Variants in CACNA2D3 observed in about 807,000 individuals in gnomAD.
CACNA2D3 encodes the protein voltage-dependent calcium channel subunit alpha-2/delta-3.
In CACNA2D3, 60 loss-of-function variants were observed where a neutral mutation model predicts 160.6. The observed-to-expected ratio is 0.37, with a 90% CI of 0.30 to 0.46. The LOEUF (loss-of-function observed/expected upper bound fraction) is 0.46, where lower values mean the gene tolerates loss of function less well. Ranked by LOEUF, CACNA2D3 falls within the 20% of genes least tolerant of loss-of-function variation. The pLI is 1.00. For missense variants in CACNA2D3, 1,205 were observed against 1,365.0 expected, an observed-to-expected ratio of 0.88 and a Z score of 1.85; for synonymous variants, 558 against 492.9, an observed-to-expected ratio of 1.13 and a Z score of -1.75.
At chr3:55,073,600 G>A in intron 36 of CACNA2D3, 43 bp downstream of exon 36, 7 of 1,487,484 alleles carry the variant, frequency 4.7e-6, no homozygotes, top group Non-Finnish European at 6.6e-6. Context: ...ACGGAAACCA[G>A]TAAGGGGTAT....
At chr3:54,710,729 G>T (rs1328105622) in intron 11 of CACNA2D3, among the ~76,000 whole-genome samples, 1 of 152,162 alleles carries the variant, frequency 6.6e-6, no homozygotes, top group Non-Finnish European at 1.5e-5. Flanking sequence ...CTATAGAAAT[G>T]ATTTTTAACT....
At chr3:54,463,103 C>T (rs1023932160) in intron 4 of CACNA2D3, among the ~76,000 whole-genome samples, 1 of 151,688 alleles carries the variant, frequency 6.6e-6, no homozygotes, top group Non-Finnish European at 1.5e-5. Context: ...GAATATTGGC[C>T]CCCACTCTCT....
chr3:54,689,010 A>AAAAAAAAAAAAAAG (rs1553785965), intron 11 of CACNA2D3, among the ~76,000 whole-genome samples: 2 of 85,496 alleles, frequency 2.3e-5, no homozygotes, highest in Non-Finnish European at 4.4e-5. Context: ...AAAAAAAAAA[A>AAAAAAAAAAAAAAG]AGAATGAGGT....
At chr3:54,769,849 C>A (rs901051299) in intron 13 of CACNA2D3, among the ~76,000 whole-genome samples, 1 of 152,090 alleles carries the variant, frequency 6.6e-6, no homozygotes. Flanking sequence ...TTTAACGATA[C>A]TCTTTAATTC....
At chr3:54,401,163 G>T (rs1211467723) in intron 4 of CACNA2D3, among the ~76,000 whole-genome samples, 1 of 151,984 alleles carries the variant, frequency 6.6e-6, no homozygotes, top group Non-Finnish European at 1.5e-5. Flanking sequence ...CTCTGAACTT[G>T]ATGATAGGTC....
At chr3:54,579,332 G>A (rs6445700) in intron 8 of CACNA2D3, among the ~76,000 whole-genome samples, 87,180 of 151,758 alleles carry the variant, frequency 0.57, 25,746 homozygotes, top group African/African-American at 0.7. Flanking sequence ...CACTGGCTCC[G>A]TCTTCCTGCT....
intron 3 of CACNA2D3, among the ~76,000 whole-genome samples, chr3:54,361,140 A>G (rs1050638590): frequency 6.6e-6 from 1 of 151,998 alleles, no homozygotes; most frequent in Non-Finnish European, 1.5e-5. Context: ...GAAAATGTTT[A>G]CCATAATCAT....
intron 9 of CACNA2D3, among the ~76,000 whole-genome samples, chr3:54,603,347 C>T (rs369302576): frequency 6.6e-6 from 1 of 152,208 alleles, no homozygotes; most frequent in Non-Finnish European, 1.5e-5. Flanking sequence ...TCCAAGAATT[C>T]CTACTACCTA....
chr3:54,511,132 A>G (rs971374234), intron 5 of CACNA2D3, among the ~76,000 whole-genome samples: 1 of 151,778 alleles, frequency 6.6e-6, no homozygotes, highest in South Asian at 2.1e-4. Context: ...TCCTTTCTCC[A>G]TTCTGGAAAG....
At chr3:54,836,110 C>T (rs1216084934) in intron 14 of CACNA2D3, among the ~76,000 whole-genome samples, 1 of 152,036 alleles carries the variant, frequency 6.6e-6, no homozygotes, top group Non-Finnish European at 1.5e-5. Context: ...TGCCTGTCTC[C>T]CAACACTGTG....
intron 3 of CACNA2D3, among the ~76,000 whole-genome samples, chr3:54,365,503 C>T (rs545035811): frequency 6.6e-6 from 1 of 152,302 alleles, no homozygotes; most frequent in Admixed American, 6.5e-5. Flanking sequence ...TCTTTCTCTC[C>T]TACATTCATC....
At chr3:54,484,909 C>T (rs1305737173) in intron 4 of CACNA2D3, among the ~76,000 whole-genome samples, 1 of 148,578 alleles carries the variant, frequency 6.7e-6, no homozygotes, top group African/African-American at 2.5e-5. Context: ...TGCAGTGGTA[C>T]AATATCAGCT....
intron 5 of CACNA2D3, among the ~76,000 whole-genome samples, chr3:54,508,399 A>G (rs1475121917): frequency 6.6e-6 from 1 of 152,214 alleles, no homozygotes; most frequent in Non-Finnish European, 1.5e-5. Flanking sequence ...ACATGGGCCA[A>G]GACTGGATGG....
chr3:54,896,809 G>C lies in CACNA2D3; in HGVS notation c.2307G>C (p.Trp769Cys). The C allele has an allele frequency of 3.1e-6, 5 of 1,613,966 alleles. No homozygotes were observed. The highest frequency in any genetic ancestry group is 1.3e-5 in the African/African-American group (1 of 75,038). The change falls in exon 26 of 38, where the codon TGG becomes TGC. Residue 769 changes from tryptophan to cysteine, a missense_variant. Trp to Cys is a radical substitution (Grantham distance 215). This residue lies in a region of CACNA2D3 where 911 missense variants were observed against 1,002.2 expected (regional missense o/e 0.91). Coordinates refer to ENST00000474759, the MANE Select transcript of CACNA2D3 (RefSeq NM_018398.3). ...NIFNADHFPL[W>C]YRRAAEQIPG... is the part of the protein sequence containing the mutation. ...TTAACGCAGACCATTTCCCTCTCTG[G>C]TACCGAAGAGCCGCTGAGCAGATTC...
rs553274949 is a variant in CACNA2D3 at position 54,820,489 on chromosome 3, A to C, written c.1398+3619A>C. On this transcript the variant is annotated intron_variant, in intron 14 of 37. Transcript: ENST00000474759. ...TAAGCATCTCTAAGATAATTCCTAG[A>C]CTCTATAAATTTCAAGCCTTGATAT... Among the ~76,000 whole-genome samples the C allele has an allele frequency of 4.3e-4, 66 of 152,200 alleles. 1 individual carries two copies. The South Asian group carries it at 0.012, about 29-fold the overall frequency.
chr3:54,993,587 C>A (rs951259958), intron 31 of CACNA2D3, among the ~76,000 whole-genome samples: 2 of 152,024 alleles, frequency 1.3e-5, no homozygotes, highest in African/African-American at 4.8e-5. Context: ...AGAAAGAAAT[C>A]TTTACTGAAG....
intron 14 of CACNA2D3, among the ~76,000 whole-genome samples, chr3:54,835,059 A>G (rs969756083): frequency 1.3e-5 from 2 of 152,204 alleles, no homozygotes; most frequent in South Asian, 2.1e-4. Flanking sequence ...TGCTCAAACA[A>G]CTGAGCATGA....
intron 3 of CACNA2D3, among the ~76,000 whole-genome samples, chr3:54,340,038 T>A (rs1460231587): frequency 6.6e-6 from 1 of 152,212 alleles, no homozygotes; most frequent in Non-Finnish European, 1.5e-5. Flanking sequence ...CTTTTCAGGA[T>A]GACAAAGGAC....
intron 2 of CACNA2D3, among the ~76,000 whole-genome samples, chr3:54,296,992 TC>T: frequency 6.6e-6 from 1 of 152,272 alleles, no homozygotes; most frequent in East Asian, 1.9e-4. Context: ...CTCCTCCACT[TC>T]CTACCTAGCG....
Sources: gnomAD v4.1 joint callset for allele counts (sites outside exome capture counted in the v4.1 genomes callset) on GRCh38, gnomAD v4.1.1 for gene constraint, gnomAD v4.1.1 regional missense constraint, MANE v1.5 for transcripts, NCBI Gene and HGNC (gene_info 2026-07-23, HGNC 2026-07-21) for gene names.